HAL: variants seen among roughly 807,000 people sequenced by gnomAD.
HAL encodes histidase.
In HAL, 85 loss-of-function variants were observed where a neutral mutation model predicts 81.1. That is an observed-to-expected ratio of 1.05 (90% CI 0.88 to 1.25). The LOEUF (loss-of-function observed/expected upper bound fraction) is 1.25, where lower values mean the gene tolerates loss of function less well. Ranked by LOEUF, HAL falls within the 50% of genes most tolerant of loss-of-function variation. The pLI is 0.00. For missense variants in HAL, 798 were observed against 836.6 expected (o/e 0.95, Z 0.57); for synonymous variants, 301 against 309.2 (o/e 0.97, Z 0.28).
chr12:95,978,149 A>T (rs542750914), intron 17 of HAL, 71 bp from the exon 18 acceptor site: 2 of 1,218,812 alleles, frequency 1.6e-6, no homozygotes, highest in South Asian at 2.5e-5. Context: ...CGTGGCTTCC[A>T]CAGAGTGCTC....
At chr12:95,985,008 T>A (rs1270848767) in intron 14 of HAL, among the ~76,000 whole-genome samples, 1 of 152,208 alleles carries the variant, frequency 6.6e-6, no homozygotes, top group Non-Finnish European at 1.5e-5. Flanking sequence ...ATATGTAAAT[T>A]ACACATCTGT....
chr12:95,977,960 G>A lies in HAL; in HGVS notation c.1638C>T (p.Ile546=), dbSNP rs760850809. 7.4e-6 allele frequency: 12 copies of A among 1,614,168 alleles called. No homozygotes were observed. Among genetic ancestry groups the A allele is most frequent in the East Asian group, 2.2e-5 (1 of 44,874 alleles). Reference sequence around the variant, plus strand: ...CAGCATTACCTTGCTCCACATGCTCGATGACCCTGAGGGCTTTCCTTGCTG... The same window carrying A: ...CAGCATTACCTTGCTCCACATGCTCAATGACCCTGAGGGCTTTCCTTGCTG... ...GWAARKALRV[I]EHVEQVLAIE... is the part of the protein sequence containing the mutation. The change falls in exon 18 of 21, where the codon ATC becomes ATT. Residue 546 remains isoleucine, a synonymous_variant. Transcript: ENST00000261208.
At chr12:95,989,167 T>C (rs909875035) in intron 10 of HAL, among the ~76,000 whole-genome samples, 1 of 152,104 alleles carries the variant, frequency 6.6e-6, no homozygotes, top group Non-Finnish European at 1.5e-5. Flanking sequence ...AGACGGAAGC[T>C]TCTTAGAGGG....
intron 15 of HAL, 68 bp downstream of exon 15, chr12:95,983,843 T>G: frequency 1.2e-6 from 1 of 845,524 alleles, no homozygotes. Context: ...AAAATGATTG[T>G]TTCAGTAGAT....
In HAL at chr12:95,985,913, G is replaced by T. The variant is rs75370783; in HGVS notation, c.1201C>A (p.Pro401Thr). 1.2e-6 allele frequency: 2 copies of T among 1,604,310 alleles called. No homozygotes were observed. The highest frequency in any genetic ancestry group is 1.7e-6 in the Non-Finnish European group (2 of 1,171,956). The stretch of plus-strand genomic sequence containing the variant: ...TTTTTTTTTCTTTATTTTACCTGTG[G>T]ACAGCAGCGCAAGGTGTATGCATCC... ...VQDAYTLRCC[P>T]QVHGVVNDTI... The change falls in exon 14 of 21, where the codon CCA (proline) becomes ACA (threonine). Residue 401 changes from proline to threonine, a missense_variant. Coordinates refer to ENST00000261208, the MANE Select transcript of HAL (RefSeq NM_002108.4).
At chr12:95,984,456 C>T (rs1325523717) in intron 14 of HAL, among the ~76,000 whole-genome samples, 3 of 152,198 alleles carry the variant, frequency 2.0e-5, no homozygotes, top group Non-Finnish European at 4.4e-5. Flanking sequence ...TAGCTATTAT[C>T]CAAGGCGGTA....
chr12:95,983,927 C>A lies in HAL; in HGVS notation c.1271G>T (p.Ser424Ile), dbSNP rs1263397263. ...VKNIITTELN[S>I]ATDNPMVFAN... ...AAAAGATACAGGATTATCTGTTGCG[C>A]TGTTCAGTTCTGTGGTAATGATGTT... The change falls in exon 15 of 21, where the codon AGC becomes ATC. Residue 424 changes from serine (S) to isoleucine (I), a missense_variant. Transcript: ENST00000261208. The A allele has an allele frequency of 1.9e-6, 3 of 1,548,800 alleles. No homozygotes were observed. The highest frequency in any genetic ancestry group is 2.7e-6 in the Non-Finnish European group (3 of 1,121,466).
At chr12:95,980,101 TTA>T (rs2080772971) in intron 17 of HAL, among the ~76,000 whole-genome samples, 1 of 152,220 alleles carries the variant, frequency 6.6e-6, no homozygotes, top group Admixed American at 6.5e-5. Context: ...AATAACATCT[TTA>T]TGTTTTTAGT....
intron 9 of HAL, among the ~76,000 whole-genome samples, chr12:95,991,939 A>G (rs773621622): frequency 1.3e-5 from 2 of 152,184 alleles, no homozygotes; most frequent in Non-Finnish European, 2.9e-5. Flanking sequence ...CGTCCATAAC[A>G]TGGAAACTCA....
chr12:95,995,986 G>A lies in HAL; in HGVS notation c.-76C>T. 6.8e-7 allele frequency: 1 copy of A among 1,479,244 alleles called. No homozygotes were observed. 91.6% of individuals were successfully genotyped at this position (1,479,244 alleles called of 1,614,324 possible). On this transcript the variant is annotated 5_prime_UTR_variant, in exon 2 of 21. Transcript: ENST00000261208. The stretch of plus-strand genomic sequence containing the variant: ...TATGCAGGAGTGGCTACCGGGGTGT[G>A]GTCAGCTGGAAGGATGAGAATAGAC...
In HAL at chr12:95,996,115, G is replaced by A; in HGVS notation, c.-119C>T. On this transcript the variant is annotated 5_prime_UTR_variant, in exon 1 of 21. Transcript: ENST00000261208. Reference sequence around the variant, plus strand: ...TGGTTTTTGTAGCCGAGCAGGGGCAGGAGCAGGGGATGCAGACGGGTGAGC... The same window carrying A: ...TGGTTTTTGTAGCCGAGCAGGGGCAAGAGCAGGGGATGCAGACGGGTGAGC... The A allele has an allele frequency of 1.7e-6, 1 of 601,080 alleles. No individual in the cohort carries two copies. The highest frequency in any genetic ancestry group is 3.0e-6 in the Non-Finnish European group (1 of 330,532). 37.2% of individuals were successfully genotyped at this position (601,080 alleles called of 1,614,324 possible).
chr12:95,974,520 C>T, intron 20 of HAL, 148 bp from the exon 21 acceptor site: 1 of 744,296 alleles, frequency 1.3e-6, no homozygotes, highest in Non-Finnish European at 2.4e-6. Context: ...AGCCATTTGA[C>T]ACATGACCTG....
In HAL at chr12:95,996,009, G is replaced by T; in HGVS notation, c.-81-18C>A. 8.1e-7 allele frequency: 1 copy of T among 1,235,412 alleles called. No homozygotes were observed. Among genetic ancestry groups the T allele is most frequent in the Non-Finnish European group, 1.2e-6 (1 of 865,466 alleles). 76.5% of individuals were successfully genotyped at this position (1,235,412 alleles called of 1,614,324 possible). On this transcript the variant is annotated intron_variant, in intron 1 of 20. Coordinates refer to ENST00000261208, the MANE Select transcript of HAL (RefSeq NM_002108.4). ...GTGGTCAGCTGGAAGGATGAGAATA[G>T]ACTTTCAAACCACTCCCCCTCCTTC...
chr12:95,978,398 G>A (rs910422455), intron 17 of HAL, among the ~76,000 whole-genome samples: 5 of 152,154 alleles, frequency 3.3e-5, no homozygotes, highest in African/African-American at 9.7e-5. Context: ...AAAGAGACAT[G>A]ATGGCCATTT....
At chr12:95,985,356 G>C (rs1479582947) in intron 14 of HAL, among the ~76,000 whole-genome samples, 1 of 152,166 alleles carries the variant, frequency 6.6e-6, no homozygotes, top group African/African-American at 2.4e-5. Flanking sequence ...CACTTTGGGA[G>C]GCTGAGGCAG....
intron 15 of HAL, 50 bp from the exon 16 acceptor site, chr12:95,980,913 G>T: frequency 2.9e-6 from 3 of 1,037,360 alleles, no homozygotes; most frequent in Non-Finnish European, 3.1e-6. Context: ...GTCACTTCAA[G>T]TACAACCCCT....
Position 95,990,399 on chromosome 12 carries a change from A to C in HAL, c.849T>G (p.Ala283=). The C allele has an allele frequency of 6.2e-7, 1 of 1,613,276 alleles. No homozygotes were observed. Among genetic ancestry groups the C allele is most frequent in the South Asian group, 1.1e-5 (1 of 91,058 alleles). ...MWSPKSGWAD[A]KYVLEAHGLK... The stretch of plus-strand genomic sequence containing the variant: ...AAGCTGCTACGAGTCTTACGTATTT[A>C]GCATCAGCCCAGCCACTCTTCGGAG... Residue 283 remains alanine, a synonymous_variant, in exon 10 of 21, where the codon GCT becomes GCG. Transcript: ENST00000261208.
At chr12:95,984,875 T>A (rs1427707115) in intron 14 of HAL, among the ~76,000 whole-genome samples, 3 of 152,196 alleles carry the variant, frequency 2.0e-5, no homozygotes, top group African/African-American at 4.8e-5. Flanking sequence ...CTAGAAAAGA[T>A]AACTTGCTGA....
chr12:95,995,957 G>C lies in HAL; in HGVS notation c.-47C>G, dbSNP rs747617439. 1 of 1,594,380 alleles carries C rather than the reference G, an allele frequency of 6.3e-7. No homozygotes were observed. The highest frequency in any genetic ancestry group is 1.3e-5 in the African/African-American group (1 of 74,838). The stretch of plus-strand genomic sequence containing the variant: ...CCTCAGCTGGTCACAGGAGGGGAGA[G>C]CTTTATGCAGGAGTGGCTACCGGGG... On this transcript the variant is annotated 5_prime_UTR_variant, in exon 2 of 21. Transcript: ENST00000261208.
Sources: gnomAD v4.1 joint callset for allele counts (sites outside exome capture counted in the v4.1 genomes callset) on GRCh38, gnomAD v4.1.1 for gene constraint, MANE v1.5 for transcripts, NCBI Gene and HGNC (gene_info 2026-07-23, HGNC 2026-07-21) for gene names.